The following ARHGAP20 variants were observed in gnomAD, a reference collection of about 807,000 sequenced individuals.
ARHGAP20 encodes rho GTPase-activating protein 20.
A neutral mutation model predicts 73.7 loss-of-function variants in ARHGAP20; 34 were observed. The observed-to-expected ratio is 0.46, with a 90% CI of 0.35 to 0.61. ARHGAP20 has a LOEUF of 0.61. Among genes scored for constraint, ARHGAP20 ranks in the 20% least tolerant of loss-of-function variants. The pLI is 0.00. For synonymous variants in ARHGAP20, 523 were observed against 518.2 expected (o/e 1.01, Z -0.13); for missense variants, 1,314 against 1,420.9 (o/e 0.92, Z 1.21).
At chr11:110,637,509 G>A (rs575139772) in intron 2 of ARHGAP20, among the ~76,000 whole-genome samples, 1 of 152,114 alleles carries the variant, frequency 6.6e-6, no homozygotes, top group East Asian at 1.9e-4. Context: ...TAGCACCTAT[G>A]TTCTGCTTTA....
At chr11:110,690,473 G>A in intron 2 of ARHGAP20, 74 bp downstream of exon 2, 1 of 1,378,352 alleles carries the variant, frequency 7.3e-7, no homozygotes, top group Admixed American at 1.7e-5. Flanking sequence ...AAGAATATGT[G>A]ATCTGAAAAA....
intron 9 of ARHGAP20, among the ~76,000 whole-genome samples, chr11:110,596,899 C>T (rs1947977671): frequency 6.6e-6 from 1 of 152,052 alleles, no homozygotes; most frequent in Admixed American, 6.6e-5. Context: ...CCCAAATGTC[C>T]AACAGTGATA....
chr11:110,586,065 A>C, intron 12 of ARHGAP20, 151 bp downstream of exon 12: 1 of 408,222 alleles, frequency 2.4e-6, no homozygotes, highest in East Asian at 3.9e-5. Flanking sequence ...CAACTATAAG[A>C]TTAAGAAGGA....
intron 1 of ARHGAP20, among the ~76,000 whole-genome samples, chr11:110,705,605 AC>A (rs1361894233): frequency 6.6e-6 from 1 of 152,200 alleles, no homozygotes; most frequent in Non-Finnish European, 1.5e-5. Context: ...CTTTAGAGTC[AC>A]AAAAATTAAT....
At chr11:110,634,445 A>G (rs543442836) in intron 2 of ARHGAP20, among the ~76,000 whole-genome samples, 2 of 152,240 alleles carry the variant, frequency 1.3e-5, no homozygotes, top group African/African-American at 2.4e-5. Context: ...ATATACTGCT[A>G]CTAAGGTGAT....
At chr11:110,584,467 TCTGA>T (rs1947565472) in intron 12 of ARHGAP20, among the ~76,000 whole-genome samples, 1 of 151,970 alleles carries the variant, frequency 6.6e-6, no homozygotes, top group African/African-American at 2.4e-5. Context: ...AAGATGATAG[TCTGA>T]CTGCTGCTTG....
rs1435783279 is a variant in ARHGAP20, at chr11:110,579,146, T to G, written c.*224A>C. ...CCACATGACAGGACCAATCCCAACC[T>G]TTAATAAGAAAAAGCCTCCCAAACA... is the stretch of plus-strand genomic sequence containing the variant. On this transcript the variant is annotated 3_prime_UTR_variant, in exon 15 of 15. Transcript: ENST00000683387. 1.7e-6 allele frequency: 2 copies of G among 1,203,972 alleles called. No homozygotes were observed. Among genetic ancestry groups the G allele is most frequent in the Non-Finnish European group, 2.1e-6 (2 of 963,706 alleles). The allele number at this position is 1,203,972 out of a possible 1,614,324, so 74.6% of individuals were successfully genotyped here.
intron 2 of ARHGAP20, among the ~76,000 whole-genome samples, chr11:110,676,808 C>T (rs1480893170): frequency 6.7e-6 from 1 of 149,684 alleles, no homozygotes. Context: ...CTTAAATCTC[C>T]TCAAATAAGT....
chr11:110,670,530 TACTC>T (rs1471282880), intron 2 of ARHGAP20, among the ~76,000 whole-genome samples: 2 of 152,092 alleles, frequency 1.3e-5, no homozygotes, highest in Non-Finnish European at 2.9e-5. Context: ...AGAAACTGAA[TACTC>T]ACTAGTTCCA....
At chr11:110,646,295 T>G (rs1747166115) in intron 2 of ARHGAP20, among the ~76,000 whole-genome samples, 1 of 152,162 alleles carries the variant, frequency 6.6e-6, no homozygotes, top group South Asian at 2.1e-4. Flanking sequence ...ATGAGCTGAT[T>G]CAATTAATTG....
At position 110,580,276 on chromosome 11, in the gene ARHGAP20, A is replaced by T. The variant is rs1304936433; in HGVS notation, c.2670T>A (p.Ser890=). 6.2e-7 allele frequency: 1 copy of T among 1,614,190 alleles called. No individual in the cohort carries two copies. The highest frequency in any genetic ancestry group is 1.7e-5 in the Admixed American group (1 of 60,024). Residue 890 remains serine (S), a synonymous_variant, in exon 15 of 15, where the codon TCT becomes TCA. Coordinates refer to ENST00000683387, the MANE Select transcript of ARHGAP20 (RefSeq NM_001384657.1). ...GEEDYLKRHK[S]LQMEGQKLIN... ...TGAGCTTCTGCCCCTCCATTTGCAA[A>T]GACTTATGCCGTTTGAGATAATCCT...
Position 110,610,659 on chromosome 11 carries a change from T to C in ARHGAP20, c.708+650A>G, listed in dbSNP as rs139976540. On this transcript the variant is annotated intron_variant, in intron 7 of 14. Transcript: ENST00000683387. ...CAAATGTTCTAATCTTCTCCACTCC[T>C]AAAATTCTCAAAAATTCACCTCTAT... 1.5e-3 allele frequency among the ~76,000 whole-genome samples: 221 copies of C among 152,250 alleles called. 1 individual carries two copies. Among genetic ancestry groups the C allele is most frequent in the African/African-American group, 4.8e-3 (201 of 41,590 alleles).
chr11:110,633,560 A>G (rs927121256), intron 2 of ARHGAP20, among the ~76,000 whole-genome samples: 1 of 152,178 alleles, frequency 6.6e-6, no homozygotes, highest in Non-Finnish European at 1.5e-5. Context: ...GATGGTGTGA[A>G]ACTGATAGGC....
intron 1 of ARHGAP20, among the ~76,000 whole-genome samples, chr11:110,699,319 G>C (rs1950398197): frequency 6.6e-6 from 1 of 151,766 alleles, no homozygotes; most frequent in Non-Finnish European, 1.5e-5. Flanking sequence ...TTCTTTAATG[G>C]CCAAGCATAT....
intron 9 of ARHGAP20, among the ~76,000 whole-genome samples, chr11:110,604,662 C>G (rs1012613220): frequency 2.6e-5 from 4 of 152,092 alleles, no homozygotes; most frequent in African/African-American, 9.7e-5. Context: ...CAGTGTTCCC[C>G]TTTCAAAATT....
At chr11:110,668,413 C>T (rs1303271863) in intron 2 of ARHGAP20, among the ~76,000 whole-genome samples, 1 of 152,124 alleles carries the variant, frequency 6.6e-6, no homozygotes, top group Non-Finnish European at 1.5e-5. Flanking sequence ...ACTTTGGGGG[C>T]TGAGCTGGGC....
rs1947400556 is a variant in ARHGAP20 at position 110,579,964 on chromosome 11, A to G, written c.2982T>C (p.Asn994=). ...KREDLSPDFS[N]ASHVSGMPGP... ...CGGGCATTCCGGAAACATGGCTGGC[A>G]TTGCTAAAGTCAGGAGAAAGGTCTT... The change falls in exon 15 of 15, where the codon AAT becomes AAC. Residue 994 remains asparagine, a synonymous_variant. Coordinates refer to ENST00000683387, the MANE Select transcript of ARHGAP20 (RefSeq NM_001384657.1). The G allele has an allele frequency of 6.2e-7, 1 of 1,614,202 alleles. No homozygotes were observed. The highest frequency in any genetic ancestry group is 2.2e-5 in the East Asian group (1 of 44,886).
rs1948240822 is a variant in ARHGAP20, at chr11:110,606,712, A to C, written c.813T>G (p.Leu271=). Reference sequence around the variant, plus strand: ...CCGGTGTCAGGAGTGCAGAGTCTCGAAGATGGCTCATTTTAATTCCATATG... The same window carrying C: ...CCGGTGTCAGGAGTGCAGAGTCTCGCAGATGGCTCATTTTAATTCCATATG... ...EYPYGIKMSH[L]RDSALLTPGS... The change falls in exon 9 of 15, where the codon CTT becomes CTG. Residue 271 remains leucine, a synonymous_variant. Transcript: ENST00000683387. 6.3e-7 allele frequency: 1 copy of C among 1,581,578 alleles called. No homozygotes were observed. The highest frequency in any genetic ancestry group is 1.4e-5 in the African/African-American group (1 of 72,808).
At chr11:110,681,756 T>C (rs1417488644) in intron 2 of ARHGAP20, among the ~76,000 whole-genome samples, 2 of 151,708 alleles carry the variant, frequency 1.3e-5, no homozygotes, top group African/African-American at 4.8e-5. Context: ...ACAACAGGAG[T>C]GAATGAACCC....
Sources: gnomAD v4.1 joint callset for allele counts (sites outside exome capture counted in the v4.1 genomes callset) on GRCh38, gnomAD v4.1.1 for gene constraint, MANE v1.5 for transcripts, NCBI Gene and HGNC (gene_info 2026-07-23, HGNC 2026-07-21) for gene names.